Variants in FLNC observed in about 807,000 individuals in gnomAD.
FLNC encodes filamin-C.
A neutral mutation model predicts 254.3 loss-of-function variants in FLNC; 91 were observed. The observed-to-expected ratio is 0.36, with a 90% CI of 0.30 to 0.43. The LOEUF is 0.43. Ranked by LOEUF, FLNC falls within the 20% of genes least tolerant of loss-of-function variation. The probability of loss-of-function intolerance (pLI) is 1.00; values close to 1 mark genes in which losing one functional copy is unlikely to be tolerated. For missense variants in FLNC, 2,853 were observed against 3,802.6 expected, an observed-to-expected ratio of 0.75 and a Z score of 6.57; for synonymous variants, 1,430 against 1,577.2, an observed-to-expected ratio of 0.91 and a Z score of 2.21.
At chr7:128,847,054 G>T in intron 24 of FLNC, 149 bp downstream of exon 24, 1 of 901,918 alleles carries the variant, frequency 1.1e-6, no homozygotes, top group Non-Finnish European at 1.7e-6. Flanking sequence ...CCGGCCAGAG[G>T]GAGGACGTGG....
At position 128,835,172 on chromosome 7, in the gene FLNC, G is replaced by A. The variant is rs562452019; in HGVS notation, c.353-154G>A. Among the ~76,000 whole-genome samples the A allele has an allele frequency of 6.6e-6, 1 of 152,324 alleles. No homozygotes were observed. Among genetic ancestry groups the A allele is most frequent in the South Asian group, 2.1e-4 (1 of 4,820 alleles). On this transcript the variant is annotated intron_variant, in intron 1 of 47. Transcript: ENST00000325888. The surrounding 1 kb of genome is among the most constrained non-coding windows in gnomAD (Gnocchi z 5.3). ...GCCCCATAAAGAACTTGGCATCTGA[G>A]TGGGGCCTCGCAGGAGGGAGAGGGT...
At chr7:128,846,567 C>G in intron 23 of FLNC, 104 bp downstream of exon 23, 2 of 1,478,502 alleles carry the variant, frequency 1.4e-6, no homozygotes, top group Non-Finnish European at 1.9e-6. Context: ...CCCATCCTCT[C>G]TCAGGGGTGA....
In FLNC at chr7:128,838,610, C is replaced by A; in HGVS notation, c.1218C>A (p.Gly406=). The A allele has an allele frequency of 6.2e-7, 1 of 1,612,962 alleles. No individual in the cohort carries two copies. The highest frequency in any genetic ancestry group is 8.5e-7 in the Non-Finnish European group (1 of 1,180,000). The change falls in exon 8 of 48, where the codon GGC becomes GGA. Residue 406 remains glycine, a synonymous_variant. Coordinates refer to ENST00000325888, the MANE Select transcript of FLNC (RefSeq NM_001458.5). ...AGCCTCTGTTTTCGGCAGGGGCCGGCACTGGCGATGTTGCTGTGGTGATCG... is the reference window on the plus strand; with the variant it reads ...AGCCTCTGTTTTCGGCAGGGGCCGGAACTGGCGATGTTGCTGTGGTGATCG... ...TYFDIYTAGA[G]TGDVAVVIVD... is the part of the protein sequence containing the mutation.
Position 128,858,706 on chromosome 7 carries a change from G to A in FLNC, c.*183G>A. On this transcript the variant is annotated 3_prime_UTR_variant, in exon 48 of 48. Transcript: ENST00000325888. The surrounding 1 kb of genome is among the most constrained non-coding windows in gnomAD (Gnocchi z 6.7). ...CCCCACCGCGCCCCAGGGGTTGGAG[G>A]ACCTTGTCTGTGTCAGGACAGTGTC... is the stretch of plus-strand genomic sequence containing the variant. 1 of 622,524 alleles carries A rather than the reference G, an allele frequency of 1.6e-6. No homozygotes were observed. 38.6% of individuals were successfully genotyped at this position (622,524 alleles called of 1,614,324 possible).
chr7:128,842,168 C>A lies in FLNC; in HGVS notation c.2122-63C>A. ...GGAAAGGAGGCGCTGGGTTCACCTG[C>A]GGCCAGCAGAGGGCGCTCTGCAGAG... On this transcript the variant is annotated intron_variant, in intron 13 of 47. Transcript: ENST00000325888. This position sits in a 1 kb window ranked among gnomAD's most constrained non-coding sequence, Gnocchi z 5.4. The A allele has an allele frequency of 1.9e-6, 3 of 1,564,152 alleles. No homozygotes were observed. The highest frequency in any genetic ancestry group is 1.7e-6 in the Non-Finnish European group (2 of 1,144,492).
chr7:128,833,658 G>A (rs942275648), intron 1 of FLNC, among the ~76,000 whole-genome samples: 1 of 152,246 alleles, frequency 6.6e-6, no homozygotes, highest in South Asian at 2.1e-4. Context: ...TTCCTGCCCA[G>A]GGGTCTGGCT....
chr7:128,847,944 G>C lies in FLNC; in HGVS notation c.4457-1G>C. On this transcript the variant is annotated splice_acceptor_variant, in intron 25 of 47. Coordinates refer to ENST00000325888, the MANE Select transcript of FLNC (RefSeq NM_001458.5). LOFTEE classifies it high-confidence loss of function. Reference sequence around the variant, plus strand: ...CTGCTGACCCTGTGCCCCTTGCCCAGGTGTGGCCGAGCCTGTGGAGGTGCG... The same window carrying C: ...CTGCTGACCCTGTGCCCCTTGCCCACGTGTGGCCGAGCCTGTGGAGGTGCG... 6.2e-7 allele frequency: 1 copy of C among 1,613,660 alleles called. No homozygotes were observed.
At position 128,843,986 on chromosome 7, in the gene FLNC, C is replaced by T; in HGVS notation, c.2930-18C>T. 1 of 1,614,132 alleles carries T rather than the reference C, an allele frequency of 6.2e-7. No homozygotes were observed. Among genetic ancestry groups the T allele is most frequent in the South Asian group, 1.1e-5 (1 of 91,082 alleles). On this transcript the variant is annotated intron_variant, in intron 19 of 47. Coordinates refer to ENST00000325888, the MANE Select transcript of FLNC (RefSeq NM_001458.5). ...GTGGACCGGAGTCTCCTCATGGTGT[C>T]ACTTGCCCTCCACGCAGAGGTGGCT...
intron 32 of FLNC, 44 bp from the exon 33 acceptor site, chr7:128,850,759 G>A: frequency 1.2e-6 from 2 of 1,613,076 alleles, no homozygotes; most frequent in African/African-American, 1.3e-5. Context: ...GGAGGTTGCA[G>A]TGGGGGAAAC....
In FLNC at chr7:128,846,102, C is replaced by A. The variant is rs777004360; in HGVS notation, c.3903C>A (p.Asp1301Glu). The A allele has an allele frequency of 1.9e-6, 3 of 1,614,022 alleles. No individual in the cohort carries two copies. The highest frequency in any genetic ancestry group is 2.5e-6 in the Non-Finnish European group (3 of 1,180,018). The change falls in exon 22 of 48, where the codon GAC (aspartate) becomes GAA (glutamate). Residue 1301 changes from aspartate to glutamate, a missense_variant. Asp to Glu is a conservative substitution (Grantham distance 45, BLOSUM62 2). Transcript: ENST00000325888. ...RVLNPSGAKTDTYVTDNGDGT... is the reference protein window; with the variant it reads ...RVLNPSGAKTETYVTDNGDGT... ...TCAACCCCTCGGGGGCCAAGACAGA[C>A]ACCTATGTGACAGACAATGGGGACG... is the stretch of plus-strand genomic sequence containing the variant.
In FLNC at chr7:128,851,635, C is replaced by T. The variant is rs370905549; in HGVS notation, c.5842+7C>T. The T allele has an allele frequency of 5.4e-5, 87 of 1,613,434 alleles. No individual in the cohort carries two copies. Among genetic ancestry groups the T allele is most frequent in the Non-Finnish European group, 6.8e-5 (80 of 1,179,928 alleles). ...TTCACAGCCAAGATCACAGGTGAGG[C>T]GGGTGTATGGGCATGTACAGCCCAT... On this transcript the variant is annotated splice_region_variant and intron_variant, in intron 35 of 47. Transcript: ENST00000325888.
At chr7:128,846,634 C>A in intron 23 of FLNC, 111 bp from the exon 24 acceptor site, 1 of 1,362,122 alleles carries the variant, frequency 7.3e-7, no homozygotes, top group Non-Finnish European at 1.0e-6. Flanking sequence ...CGTTTCTCCT[C>A]AGCTGGGTCC....
intron 10 of FLNC, 36 bp from the exon 11 acceptor site, chr7:128,840,798 C>T: frequency 1.2e-6 from 2 of 1,613,392 alleles, no homozygotes; most frequent in Non-Finnish European, 1.7e-6. Flanking sequence ...TTGGGGGGCA[C>T]TTCCTGGCAT....
At position 128,846,901 on chromosome 7, in the gene FLNC, C is replaced by G; in HGVS notation, c.4284C>G (p.Ile1428Met). The G allele has an allele frequency of 6.2e-7, 1 of 1,614,188 alleles. No individual in the cohort carries two copies. Among genetic ancestry groups the G allele is most frequent in the Non-Finnish European group, 8.5e-7 (1 of 1,180,022 alleles). ...DVNITFGGRP[I>M]PGSPFRVPVK... ...ACATCACCTTCGGGGGGCGGCCCAT[C>G]CCAGGTGTGCAGAGAGAGTGGTCGG... Residue 1428 changes from isoleucine (I) to methionine (M), a missense_variant, in exon 24 of 48, where the codon ATC (isoleucine) becomes ATG (methionine). Physicochemically the swap from Ile to Met is conservative, Grantham distance 10. This residue lies in a region of FLNC where 1,573 missense variants were observed against 1,883.5 expected (regional missense o/e 0.84). Transcript: ENST00000325888.
intron 1 of FLNC, among the ~76,000 whole-genome samples, chr7:128,833,920 T>TG (rs981701545): frequency 4.0e-5 from 6 of 151,296 alleles, no homozygotes; most frequent in Admixed American, 3.9e-4. Flanking sequence ...AGTGACAGGG[T>TG]GGGGGAGCCC....
chr7:128,854,131 C>G lies in FLNC; in HGVS notation c.6642C>G (p.Gly2214=), dbSNP rs546247674. The G allele has an allele frequency of 1.2e-6, 2 of 1,612,686 alleles. No individual in the cohort carries two copies. The highest frequency in any genetic ancestry group is 8.5e-7 in the Non-Finnish European group (1 of 1,179,826). Residue 2214 remains glycine, a synonymous_variant, in exon 40 of 48, where the codon GGC becomes GGG. Transcript: ENST00000325888. The part of the protein sequence containing the change: ...EVRVEESTQV[G]GDPFPAVFGD... ...GGGTGGAGGAGTCCACCCAGGTCGG[C>G]GGGGACCCCTTCCCTGCTGTGTTTG...
rs982485834 is a variant in FLNC, at chr7:128,855,189, C to T, written c.7136-10C>T. The T allele has an allele frequency of 1.9e-6, 3 of 1,585,914 alleles. No homozygotes were observed. The highest frequency in any genetic ancestry group is 2.2e-5 in the South Asian group (2 of 90,538). On this transcript the variant is annotated splice_polypyrimidine_tract_variant and intron_variant, in intron 42 of 47. Transcript: ENST00000325888. The stretch of plus-strand genomic sequence containing the variant: ...TCCCGGAACCTGTGCTGACTGGTCT[C>T]TCTCCCCAGGTGACTATGAGGTCTC...
Position 128,841,131 on chromosome 7 carries a change from C to CTGA in FLNC, c.1814-36_1814-34dup. 6.2e-7 allele frequency: 1 copy of CTGA among 1,607,040 alleles called. No individual in the cohort carries two copies. ...GAGCTGGGGGACGGAAGGGTCTTGC[C>CTGA]TGATGCTGGATCCCCGACCCTCCCC... is the stretch of plus-strand genomic sequence containing the variant. On this transcript the variant is annotated intron_variant, in intron 11 of 47. Transcript: ENST00000325888. This position sits in a 1 kb window ranked among gnomAD's most constrained non-coding sequence, Gnocchi z 4.3.
At chr7:128,839,199 C>T (rs1029333091) in intron 8 of FLNC, among the ~76,000 whole-genome samples, 3 of 152,246 alleles carry the variant, frequency 2.0e-5, no homozygotes, top group Non-Finnish European at 4.4e-5. Flanking sequence ...GCTGACTGGC[C>T]TCACCTGTGC....
Sources: allele counts gnomAD v4.1 joint callset (sites outside exome capture counted in the v4.1 genomes callset), GRCh38; gene constraint gnomAD v4.1.1; regional missense constraint gnomAD v4.1.1; non-coding constraint Gnocchi (gnomAD v3.1); transcripts MANE v1.5; gene names NCBI Gene and HGNC (gene_info 2026-07-23, HGNC 2026-07-21).